Variants in ZGRF1 observed in about 807,000 individuals in gnomAD.
ZGRF1 encodes the protein zinc finger GRF-type containing 1.
Under a neutral mutation model 203.5 loss-of-function variants are expected in ZGRF1, and 196 were observed. The ratio of observed to expected loss-of-function variants is 0.96; its 90% CI spans 0.86 to 1.08. The LOEUF is 1.08. Ranked by LOEUF, ZGRF1 falls within the 50% of genes least tolerant of loss-of-function variation. The pLI, the probability that ZGRF1 is intolerant of heterozygous loss-of-function variation, is 0.00. For missense variants in ZGRF1, 2,326 were observed against 2,416.3 expected (o/e 0.96, Z 0.78); for synonymous variants, 809 against 841.3 (o/e 0.96, Z 0.66).
rs564208424 is a variant in ZGRF1 at position 112,625,756 on chromosome 4, T to C, written c.103-1880A>G. ...TACTAAAATACAAAATTAGCCAGCCTTGGTGGCACATGCCTGTAATCCCAG... is the reference window on the plus strand; with the variant it reads ...TACTAAAATACAAAATTAGCCAGCCCTGGTGGCACATGCCTGTAATCCCAG... On this transcript the variant is annotated intron_variant, in intron 3 of 27. Transcript: ENST00000505019. 2.5e-3 allele frequency among the ~76,000 whole-genome samples: 370 copies of C among 150,218 alleles called. 2 individuals are homozygous for C. The highest frequency in any genetic ancestry group is 4.3e-3 in the Admixed American group (65 of 15,090).
Position 112,561,911 on chromosome 4 carries a change from C to CTTTT in ZGRF1, c.4697+456_4697+459dup, listed in dbSNP as rs11385405. ...AAAAATAATGCATAATTCCTTTTCT[C>CTTTT]TTTTTTTTTTTTTTTTTTTTTGAGA... On this transcript the variant is annotated intron_variant, in intron 18 of 27. Transcript: ENST00000505019. Among the ~76,000 whole-genome samples, 993 of 107,938 alleles carry CTTTT rather than the reference C, an allele frequency of 9.2e-3. 5 individuals carry two copies. Among genetic ancestry groups the CTTTT allele is most frequent in the East Asian group, 0.019 (65 of 3,352 alleles). The allele number at this position is 107,938 out of a possible 152,430, so 70.8% of individuals were successfully genotyped here. A position where few individuals can be genotyped will look rare whatever the true frequency, so the allele number is the denominator to read the frequency against.
intron 20 of ZGRF1, among the ~76,000 whole-genome samples, chr4:112,557,025 T>A (rs144403511): frequency 6.6e-6 from 1 of 152,152 alleles, no homozygotes. Context: ...AAACAGATTG[T>A]CTTCTTTGCA....
chr4:112,547,434 C>T, intron 23 of ZGRF1, 26 bp from the exon 24 acceptor site: 1 of 1,587,796 alleles, frequency 6.3e-7, no homozygotes, highest in Non-Finnish European at 8.5e-7. Context: ...AAAAATTAAT[C>T]TAAGCAATTA....
At chr4:112,542,262 A>C in intron 24 of ZGRF1, among the ~76,000 whole-genome samples, 1 of 152,154 alleles carries the variant, frequency 6.6e-6, no homozygotes, top group Non-Finnish European at 1.5e-5. Flanking sequence ...AAATCGCTTG[A>C]ACCCAGGAGG....
chr4:112,544,526 CTG>C (rs1254781384), intron 24 of ZGRF1, among the ~76,000 whole-genome samples: 5 of 152,180 alleles, frequency 3.3e-5, no homozygotes, highest in African/African-American at 1.2e-4. Flanking sequence ...GGCTCAAGAA[CTG>C]TGTCCCTTTC....
intron 10 of ZGRF1, among the ~76,000 whole-genome samples, chr4:112,593,810 GT>G (rs1748554300): frequency 9.2e-6 from 1 of 108,614 alleles, no homozygotes; most frequent in Admixed American, 1.1e-4. Flanking sequence ...GTCTTGCTCT[GT>G]TGCTCAGGCT....
chr4:112,597,513 G>C (rs1271916988), intron 10 of ZGRF1, among the ~76,000 whole-genome samples: 1 of 151,938 alleles, frequency 6.6e-6, no homozygotes, highest in Non-Finnish European at 1.5e-5. Flanking sequence ...AAGAGAGTGA[G>C]ACCTTGTCTC....
chr4:112,541,154 G>A lies in ZGRF1; in HGVS notation c.5713C>T (p.Arg1905Trp), dbSNP rs1187479256. 15 of 1,610,394 alleles carry A rather than the reference G, an allele frequency of 9.3e-6. No homozygotes were observed. The highest frequency in any genetic ancestry group is 1.6e-4 in the Middle Eastern group (1 of 6,078). ...ALMNGVTEIE[R>W]SPLLEWLPTL... is the part of the protein sequence containing the mutation. Reference sequence around the variant, plus strand: ...GGTAGCCATTCCAATAAAGGGCTCCGCTCTATTTCTGTTACACCATTCATG... The same window carrying A: ...GGTAGCCATTCCAATAAAGGGCTCCACTCTATTTCTGTTACACCATTCATG... Residue 1905 changes from arginine to tryptophan, a missense_variant, in exon 25 of 28, where the codon CGG (arginine) becomes TGG (tryptophan). Transcript: ENST00000505019.
At chr4:112,554,831 A>C in intron 20 of ZGRF1, 49 bp from the exon 21 acceptor site, 1 of 959,906 alleles carries the variant, frequency 1.0e-6, no homozygotes. Flanking sequence ...GAAACAGAAT[A>C]TAAAGTTTCA....
At chr4:112,616,364 A>C (rs1309317249) in intron 6 of ZGRF1, among the ~76,000 whole-genome samples, 1 of 77,044 alleles carries the variant, frequency 1.3e-5, no homozygotes. Flanking sequence ...TACTAAAAAT[A>C]CAAAAAAAAA....
At chr4:112,632,495 G>A (rs1011318218) in intron 2 of ZGRF1, among the ~76,000 whole-genome samples, 1 of 152,122 alleles carries the variant, frequency 6.6e-6, no homozygotes, top group African/African-American at 2.4e-5. Flanking sequence ...TCATGATGCT[G>A]TCTTTTCATC....
chr4:112,586,850 G>A (rs1233841690), intron 12 of ZGRF1, among the ~76,000 whole-genome samples: 1 of 152,088 alleles, frequency 6.6e-6, no homozygotes, highest in Non-Finnish European at 1.5e-5. Context: ...AAAGTTAACT[G>A]ATGTGAATGG....
intron 16 of ZGRF1, among the ~76,000 whole-genome samples, chr4:112,566,425 GCACATGTATA>G (rs1426293958): frequency 1.3e-5 from 2 of 151,088 alleles, no homozygotes; most frequent in Non-Finnish European, 2.9e-5. Flanking sequence ...CACCAGCATG[GCACATGTATA>G]CATATGTAAC....
At chr4:112,605,982 A>C (rs762069341) in intron 9 of ZGRF1, 26 bp downstream of exon 9, 1 of 1,387,864 alleles carries the variant, frequency 7.2e-7, no homozygotes, top group Non-Finnish European at 1.0e-6. Context: ...TTGGTTAAAT[A>C]AATCGATGTT....
rs778807568 is a variant in ZGRF1 at position 112,609,429 on chromosome 4, T to C, written c.2668A>G (p.Ile890Val). Residue 890 changes from isoleucine to valine, a missense_variant and splice_region_variant, in exon 8 of 28, where the codon ATA becomes GTA. Ile to Val is a conservative substitution (Grantham distance 29). Transcript: ENST00000505019. The part of the protein sequence containing the change: ...SPHLHKDSQQ[I>V]LKEDEVELSE... ...AGTTCAACTTCATCTTCTTTTAGTA[T>C]CTTAGGAATAGAATATTAATTTTAG... 4 of 1,512,218 alleles carry C rather than the reference T, an allele frequency of 2.6e-6. No individual in the cohort carries two copies. In the East Asian group the frequency reaches 9.2e-5, roughly 35 times the overall value. 93.7% of individuals were successfully genotyped at this position (1,512,218 alleles called of 1,614,324 possible).
At position 112,560,734 on chromosome 4, in the gene ZGRF1, A is replaced by AT. The variant is rs1741797471; in HGVS notation, c.4958dup (p.His1653GlnfsTer24). 2 of 1,576,286 alleles carry AT rather than the reference A, an allele frequency of 1.3e-6. No individual in the cohort carries two copies. Among genetic ancestry groups the AT allele is most frequent in the Non-Finnish European group, 1.7e-6 (2 of 1,155,556 alleles). On this transcript the variant is annotated frameshift_variant and splice_region_variant, in exon 19 of 28. Coordinates refer to ENST00000505019, the MANE Select transcript of ZGRF1 (RefSeq NM_018392.5). LOFTEE classifies it high-confidence loss of function. ...ATTATTTTCTTTCTTGCTTCTTACCATGTATGATTGTGATAGGGAAGGTAT... is the reference window on the plus strand; with the variant it reads ...ATTATTTTCTTTCTTGCTTCTTACCATTGTATGATTGTGATAGGGAAGGTAT...
intron 16 of ZGRF1, among the ~76,000 whole-genome samples, chr4:112,576,637 G>A (rs954423858): frequency 6.6e-6 from 1 of 152,186 alleles, no homozygotes; most frequent in African/African-American, 2.4e-5. Flanking sequence ...AAATGCACAA[G>A]ACTCAGTAGC....
chr4:112,623,448 C>T (rs561358148), intron 4 of ZGRF1, among the ~76,000 whole-genome samples: 1 of 152,152 alleles, frequency 6.6e-6, no homozygotes, highest in Admixed American at 6.5e-5. Flanking sequence ...GAATATGTCA[C>T]AAAAAATTTC....
Position 112,584,034 on chromosome 4 carries a change from G to A in ZGRF1, c.4242C>T (p.Gly1414=). Residue 1414 remains glycine, a synonymous_variant, in exon 15 of 28, where the codon GGC becomes GGT. Coordinates refer to ENST00000505019, the MANE Select transcript of ZGRF1 (RefSeq NM_018392.5). The part of the protein sequence containing the change: ...GMVLSDIKSI[G]LYLRSQKIPL... ...GTATCTTTTGACTTCTTAAATATAA[G>A]CCAATACTCTTAATATCACTTAAAA... The A allele has an allele frequency of 1.9e-6, 3 of 1,613,054 alleles. No homozygotes were observed. Among genetic ancestry groups the A allele is most frequent in the Non-Finnish European group, 2.5e-6 (3 of 1,179,580 alleles).
Sources: allele counts gnomAD v4.1 joint callset (sites outside exome capture counted in the v4.1 genomes callset), GRCh38; gene constraint gnomAD v4.1.1; transcripts MANE v1.5; gene names NCBI Gene and HGNC (gene_info 2026-07-23, HGNC 2026-07-21).